ABCC1: variants seen among roughly 807,000 people sequenced by gnomAD.
The protein encoded by ABCC1 is ATP binding cassette subfamily C member 1 (ABCC1 blood group).
ABCC1 carries 83 observed loss-of-function variants against 172.9 expected under a neutral mutation model. The observed-to-expected ratio is 0.48, with a 90% confidence interval of 0.40 to 0.58. The LOEUF (loss-of-function observed/expected upper bound fraction) is 0.58. ABCC1 is among the 20% of genes least tolerant of loss of function. ABCC1 has a pLI of 0.00. For missense variants in ABCC1, 1,817 were observed against 2,002.7 expected, an observed-to-expected ratio of 0.91 and a Z score of 1.77; for synonymous variants, 937 against 825.2, an observed-to-expected ratio of 1.14 and a Z score of -2.32.
intron 1 of ABCC1, among the ~76,000 whole-genome samples, chr16:15,982,790 A>T (rs1279997522): frequency 7.8e-6 from 1 of 128,720 alleles, no homozygotes; most frequent in African/African-American, 3.2e-5. Context: ...TGGGCAACAG[A>T]GTGAGACGCT....
At chr16:16,038,428 C>T (rs1261249909) in intron 7 of ABCC1, among the ~76,000 whole-genome samples, 2 of 152,164 alleles carry the variant, frequency 1.3e-5, no homozygotes, top group Non-Finnish European at 1.5e-5. Context: ...GCCAGAAATC[C>T]TGGAGTTCTG....
At chr16:16,041,867 C>T (rs62031973) in intron 7 of ABCC1, among the ~76,000 whole-genome samples, 5,965 of 152,104 alleles carry the variant, frequency 0.039, 159 homozygotes, top group Middle Eastern at 0.13. Flanking sequence ...GAGGCTGAGG[C>T]GGGAGGCTCA....
At chr16:16,111,665 C>T in intron 22 of ABCC1, 83 bp downstream of exon 22, 2 of 1,326,964 alleles carry the variant, frequency 1.5e-6, no homozygotes, top group Admixed American at 2.2e-5. Flanking sequence ...CCTTAGAGTC[C>T]TCAGCGTTTT....
intron 3 of ABCC1, among the ~76,000 whole-genome samples, chr16:16,013,031 A>G (rs960298654): frequency 1.3e-5 from 2 of 151,996 alleles, no homozygotes; most frequent in African/African-American, 2.4e-5. Context: ...CCCTGGGGGA[A>G]ACAGGGGTGA....
At position 16,125,034 on chromosome 16, in the gene ABCC1, T is replaced by C. The variant is rs1399776266; in HGVS notation, c.3717+119T>C. 4.8e-6 allele frequency: 7 copies of C among 1,464,542 alleles called. No homozygotes were observed. The Admixed American group carries it at 1.3e-4, about 27-fold the overall frequency. The allele number at this position is 1,464,542 out of a possible 1,614,324, so 90.7% of individuals were successfully genotyped here. A position where few individuals can be genotyped will look rare whatever the true frequency, so the allele number is the denominator to read the frequency against. On this transcript the variant is annotated intron_variant, in intron 25 of 30. Transcript: ENST00000399410. ...GGAGAGGAACTTGAGAGGTACGGAG[T>C]TTGAGGAGCAGGTACAGTGCCACAG...
intron 13 of ABCC1, among the ~76,000 whole-genome samples, chr16:16,071,261 T>A (rs1286467794): frequency 1.0e-5 from 1 of 95,426 alleles, no homozygotes; most frequent in Admixed American, 9.5e-5. Flanking sequence ...ATTTTATGTA[T>A]TTTTTTTTTT....
chr16:16,134,623 TTC>T (rs1281125334), intron 28 of ABCC1, 115 bp downstream of exon 28: 173 of 534,846 alleles, frequency 3.2e-4, no homozygotes, highest in African/African-American at 6.0e-4. Context: ...TACTTCATCG[TTC>T]TTTTTTTTTT....
intron 19 of ABCC1, among the ~76,000 whole-genome samples, chr16:16,092,480 A>T (rs979981569): frequency 1.3e-5 from 2 of 152,260 alleles, no homozygotes; most frequent in South Asian, 2.1e-4. Context: ...TGCCATCACA[A>T]TAGGTGGAAT....
intron 5 of ABCC1, 27 bp downstream of exon 5, chr16:16,016,648 G>A: frequency 6.2e-7 from 1 of 1,613,458 alleles, no homozygotes. Context: ...ATGAGTGTGT[G>A]TGCGTGTGTG....
At chr16:16,115,146 T>C in intron 23 of ABCC1, 70 bp downstream of exon 23, 1 of 1,486,904 alleles carries the variant, frequency 6.7e-7, no homozygotes, top group South Asian at 1.3e-5. Flanking sequence ...ACCTAAAGCC[T>C]TGTTTTATCT....
At chr16:16,014,401 T>A (rs1276333763) in intron 3 of ABCC1, 90 bp from the exon 4 acceptor site, 1 of 1,449,758 alleles carries the variant, frequency 6.9e-7, no homozygotes, top group Non-Finnish European at 9.3e-7. Context: ...GAGCTGAGAT[T>A]GCACCACTGC....
chr16:16,023,910 G>T (rs2048280764), intron 5 of ABCC1, among the ~76,000 whole-genome samples: 1 of 152,166 alleles, frequency 6.6e-6, no homozygotes, highest in African/African-American at 2.4e-5. Flanking sequence ...GTGGGTGTTG[G>T]GAATCACTTG....
At chr16:15,950,119 C>T (rs1362600986) in intron 1 of ABCC1, among the ~76,000 whole-genome samples, 6 of 151,822 alleles carry the variant, frequency 4.0e-5, no homozygotes, top group Non-Finnish European at 8.8e-5. Flanking sequence ...AACAACCTTC[C>T]AGGGAAGGGG....
chr16:16,068,415 A>C, intron 13 of ABCC1, 113 bp downstream of exon 13: 1 of 1,261,542 alleles, frequency 7.9e-7, no homozygotes, highest in Non-Finnish European at 1.1e-6. Flanking sequence ...GTCGGGCTCC[A>C]TGAGGCCCGG....
At chr16:16,049,900 G>C (rs1339366515) in intron 10 of ABCC1, among the ~76,000 whole-genome samples, 2 of 151,854 alleles carry the variant, frequency 1.3e-5, no homozygotes, top group Non-Finnish European at 1.5e-5. Context: ...GATCATGTTG[G>C]CTAGGCTGAT....
At position 16,052,757 on chromosome 16, in the gene ABCC1, G is replaced by A; in HGVS notation, c.1414G>A (p.Val472Met). The A allele has an allele frequency of 6.2e-7, 1 of 1,614,160 alleles. No individual in the cohort carries two copies. Among genetic ancestry groups the A allele is most frequent in the Non-Finnish European group, 8.5e-7 (1 of 1,180,028 alleles). ...LGPSVLAGVA[V>M]MVLMVPVNAV... ...CCCTTCCGTCCTGGCTGGAGTGGCG[G>A]TGATGGTCCTCATGGTGCCCGTCAA... The change falls in exon 11 of 31, where the codon GTG becomes ATG. Residue 472 changes from valine to methionine, a missense_variant. Val to Met is a conservative substitution (Grantham distance 21). Transcript: ENST00000399410.
chr16:16,103,398 G>C (rs1371007397), intron 20 of ABCC1, among the ~76,000 whole-genome samples: 3 of 151,962 alleles, frequency 2.0e-5, no homozygotes, highest in Non-Finnish European at 4.4e-5. Context: ...TGGCCAACAT[G>C]ATGAAACCCT....
chr16:16,089,789 G>A (rs541901978), intron 18 of ABCC1, among the ~76,000 whole-genome samples: 9 of 151,744 alleles, frequency 5.9e-5, no homozygotes, highest in Middle Eastern at 3.4e-3. Flanking sequence ...GCTGAGGCAC[G>A]GGAATTGCTT....
At chr16:15,993,258 A>C (rs1047199939) in intron 1 of ABCC1, among the ~76,000 whole-genome samples, 1 of 152,314 alleles carries the variant, frequency 6.6e-6, no homozygotes, top group South Asian at 2.1e-4. Flanking sequence ...GCATGACAGG[A>C]ACCCTGCACT....
Sources: gnomAD v4.1 joint callset for allele counts (sites outside exome capture counted in the v4.1 genomes callset) on GRCh38, gnomAD v4.1.1 for gene constraint, MANE v1.5 for transcripts, NCBI Gene and HGNC (gene_info 2026-07-23, HGNC 2026-07-21) for gene names.